Variants in GRIN2C observed in about 807,000 individuals in gnomAD.
GRIN2C encodes glutamate ionotropic receptor NMDA type subunit 2C.
A neutral mutation model predicts 77.7 loss-of-function variants in GRIN2C; 64 were observed. That is an observed-to-expected ratio of 0.82 (90% CI 0.67 to 1.01). The LOEUF is 1.01. GRIN2C is among the 50% of genes least tolerant of loss of function. GRIN2C has a pLI of 0.00. For missense variants in GRIN2C, 1,549 were observed against 1,486.0 expected, an observed-to-expected ratio of 1.04 and a Z score of -0.70; for synonymous variants, 792 against 643.4, an observed-to-expected ratio of 1.23 and a Z score of -3.49.
chr17:74,842,218 A>G lies in GRIN2C; in HGVS notation c.*217T>C, dbSNP rs1598465775. On this transcript the variant is annotated 3_prime_UTR_variant, in exon 13 of 13. Coordinates refer to ENST00000293190, the MANE Select transcript of GRIN2C (RefSeq NM_000835.6). ...GACCCCCACAGCACACCCTCCTGGC[A>G]GAACTCTGCGTGAGAAGAGGACAGC... 9.5e-6 allele frequency: 5 copies of G among 528,482 alleles called. No individual in the cohort carries two copies. In the East Asian group the frequency reaches 1.7e-4, roughly 18 times the overall value. 32.7% of individuals were successfully genotyped at this position (528,482 alleles called of 1,614,324 possible).
In GRIN2C at chr17:74,846,205, T is replaced by C; in HGVS notation, c.2211A>G (p.Ala737=). The C allele has an allele frequency of 6.2e-7, 1 of 1,614,166 alleles. No individual in the cohort carries two copies. The highest frequency in any genetic ancestry group is 1.1e-5 in the South Asian group (1 of 91,076). ...CCAGCTTGCAGCCCTCGTCCTTGCC[T>C]GCCATGTAGTTGAGGACAGCAGCAT... ...IYDAAVLNYM[A]GKDEGCKLVT... Residue 737 remains alanine (A), a synonymous_variant, in exon 11 of 13, where the codon GCA becomes GCG. Transcript: ENST00000293190. The surrounding 1 kb of genome is among the most constrained non-coding windows in gnomAD (Gnocchi z 4.4).
intron 1 of GRIN2C, among the ~76,000 whole-genome samples, chr17:74,856,237 A>G (rs2037814930): frequency 6.6e-6 from 1 of 152,162 alleles, no homozygotes; most frequent in Admixed American, 6.6e-5. Context: ...CATCCCCAGC[A>G]AAACTTCTGA....
rs114268983 is a variant in GRIN2C, at chr17:74,843,406, T to G, written c.2731A>C (p.Ser911Arg). The change falls in exon 13 of 13, where the codon AGC becomes CGC. Residue 911 changes from serine (S) to arginine (R), a missense_variant. By Grantham distance (110) the Ser-to-Arg change is moderately radical. This residue lies in a region of GRIN2C where 450 missense variants were observed against 267.9 expected (regional missense o/e 1.68). Coordinates refer to ENST00000293190, the MANE Select transcript of GRIN2C (RefSeq NM_000835.6). ...RDMVTTAGVS[S>R]SLDRATRTIE... ...GTGCGAGTGGCGCGGTCCAGGGAGC[T>G]GCTTACGCCCGCCGTGGTCACCATG... The G allele has an allele frequency of 2.3e-3, 3,557 of 1,535,686 alleles. 80 individuals carry two copies. The African/African-American group carries it at 0.043, about 19-fold the overall frequency.
chr17:74,843,872 G>A (rs34198089), intron 12 of GRIN2C, among the ~76,000 whole-genome samples: 8,335 of 144,172 alleles, frequency 0.058, 259 homozygotes, highest in Middle Eastern at 0.14. Context: ...TCAGGACGTT[G>A]GCTTTTTTTT....
rs970265760 is a variant in GRIN2C, at chr17:74,852,218, G to A, written c.793C>T (p.Pro265Ser). 15 of 1,442,154 alleles carry A rather than the reference G, an allele frequency of 1.0e-5. No individual in the cohort carries two copies. The highest frequency in any genetic ancestry group is 5.9e-5 in the African/African-American group (4 of 67,266). 89.3% of individuals were successfully genotyped at this position (1,442,154 alleles called of 1,614,324 possible). A position where few individuals can be genotyped will look rare whatever the true frequency, so the allele number is the denominator to read the frequency against. Residue 265 changes from proline to serine, a missense_variant, in exon 3 of 13, where the codon CCC becomes TCC. This residue lies in a region of GRIN2C where 717 missense variants were observed against 858.1 expected (regional missense o/e 0.84). Coordinates refer to ENST00000293190, the MANE Select transcript of GRIN2C (RefSeq NM_000835.6). ...PNLALGSTDA[P>S]PATFPVGLIS... ...AGGCCCACGGGGAAGGTGGCGGGGG[G>A]CGCATCGGTGCTGCCCAGCGCCAGG...
At chr17:74,860,246 A>G (rs2037921651), upstream of GRIN2C, among the ~76,000 whole-genome samples, 1 of 152,226 alleles carries the variant, frequency 6.6e-6, no homozygotes, top group East Asian at 1.9e-4. Flanking sequence ...TCTGAAATAC[A>G]GCCAGCGGAA....
At chr17:74,844,550 CT>C (rs1381739943) in intron 11 of GRIN2C, 42 bp from the exon 12 acceptor site, 1 of 1,594,538 alleles carries the variant, frequency 6.3e-7, no homozygotes, top group African/African-American at 1.3e-5. Context: ...GGAAACCCCC[CT>C]ATAAGCAACC....
chr17:74,854,071 C>T (rs1271230540), intron 2 of GRIN2C: 2 of 152,774 alleles, frequency 1.3e-5, no homozygotes, highest in Non-Finnish European at 2.9e-5. Context: ...GGGCCTCTCC[C>T]CCTCCCCACC....
chr17:74,856,595 C>T (rs1450850799), intron 1 of GRIN2C, among the ~76,000 whole-genome samples: 1 of 151,710 alleles, frequency 6.6e-6, no homozygotes, highest in Non-Finnish European at 1.5e-5. Context: ...CCTCCTGCCT[C>T]GGCCTCCCAA....
chr17:74,852,393 TC>T lies in GRIN2C; in HGVS notation c.617del (p.Gly206GlufsTer131). The T allele has an allele frequency of 6.9e-7, 1 of 1,451,990 alleles. No homozygotes were observed. The highest frequency in any genetic ancestry group is 1.4e-5 in the South Asian group (1 of 73,196). 89.9% of individuals were successfully genotyped at this position (1,451,990 alleles called of 1,614,324 possible). On this transcript the variant is annotated frameshift_variant, in exon 3 of 13. Coordinates refer to ENST00000293190, the MANE Select transcript of GRIN2C (RefSeq NM_000835.6). LOFTEE classifies it high-confidence loss of function. ...LDVVTLELGP[G>X]GPRARTQRLL... ...GGCGCTGCGTGCGCGCGCGCGGCCC[TC>T]CCGGGCCCAGCTCCAGCGTGACCAC...
rs1297422586 is a variant in GRIN2C, at chr17:74,850,784, C to A, written c.1114-17G>T. ...GCGCCCCACCTGTGGAGGGTGACAG[C>A]CTCAGCCTGGGGCCTCCAGCCCTAC... On this transcript the variant is annotated splice_polypyrimidine_tract_variant and intron_variant, in intron 4 of 12. Coordinates refer to ENST00000293190, the MANE Select transcript of GRIN2C (RefSeq NM_000835.6). This position sits in a 1 kb window ranked among gnomAD's most constrained non-coding sequence, Gnocchi z 5.3. The A allele has an allele frequency of 1.3e-6, 2 of 1,599,794 alleles. No individual in the cohort carries two copies. The highest frequency in any genetic ancestry group is 3.4e-5 in the Admixed American group (2 of 58,486).
rs747551680 is a variant in GRIN2C at position 74,852,005 on chromosome 17, G to A, written c.998+8C>T. The A allele has an allele frequency of 4.8e-5, 71 of 1,466,970 alleles. No individual in the cohort carries two copies. The highest frequency in any genetic ancestry group is 5.8e-5 in the Non-Finnish European group (64 of 1,107,740). The allele number at this position is 1,466,970 out of a possible 1,614,324, so 90.9% of individuals were successfully genotyped here. ...CTCCCTACCCCTATGCCCCGGGCAG[G>A]TGCCCACCTGTAGAAGGCCTCCCGG... On this transcript the variant is annotated splice_region_variant and intron_variant, in intron 3 of 12. Coordinates refer to ENST00000293190, the MANE Select transcript of GRIN2C (RefSeq NM_000835.6).
Position 74,843,329 on chromosome 17 carries a change from C to T in GRIN2C, c.2808G>A (p.Pro936=), listed in dbSNP as rs1241961898. Residue 936 remains proline (P), a synonymous_variant, in exon 13 of 13, where the codon CCG becomes CCA. Coordinates refer to ENST00000293190, the MANE Select transcript of GRIN2C (RefSeq NM_000835.6). ...GRRAPPPSPC[P]TPRSGPSPCL... ...ATGGGCTGGGGCCAGACCGCGGGGT[C>T]GGGCAGGGGGACGGTGGGGGCGCAC... 2.0e-6 allele frequency: 3 copies of T among 1,479,890 alleles called. No homozygotes were observed. The highest frequency in any genetic ancestry group is 2.0e-5 in the Admixed American group (1 of 49,814). 91.7% of individuals were successfully genotyped at this position (1,479,890 alleles called of 1,614,324 possible).
Position 74,854,717 on chromosome 17 carries a change from A to T in GRIN2C, c.376T>A (p.Ser126Thr). Residue 126 changes from serine (S) to threonine (T), a missense_variant, in exon 2 of 13, where the codon TCT (serine) becomes ACT (threonine). Physicochemically the swap from Ser to Thr is moderately conservative, Grantham distance 58 (BLOSUM62 1). Around this residue, in one of 3 missense-constraint regions of GRIN2C, gnomAD observed 382 missense variants for 360.0 expected, o/e 1.06. Transcript: ENST00000293190. ...ACCTTGGGGGTGAGGACCACAGCAG[A>T]GCCTCCGCTGATGCTGAGGATGGGC... ...HVPILSISGG[S>T]AVVLTPKEPG... 1.2e-6 allele frequency: 2 copies of T among 1,609,452 alleles called. No individual in the cohort carries two copies. The highest frequency in any genetic ancestry group is 1.7e-6 in the Non-Finnish European group (2 of 1,176,272).
chr17:74,847,449 C>T lies in GRIN2C; in HGVS notation c.1860G>A (p.Pro620=), dbSNP rs139980396. The change falls in exon 9 of 13, where the codon CCG becomes CCA. Residue 620 remains proline, a synonymous_variant. Transcript: ENST00000293190. The surrounding 1 kb of genome is among the most constrained non-coding windows in gnomAD (Gnocchi z 5.2). ...VFNNSVPIEN[P]RGTTSKIMVL... ...CCATGATCTTGCTGGTGGTGCCCCG[C>T]GGGTTCTCGATGGGCACTGAGTTGT... is the stretch of plus-strand genomic sequence containing the variant. 5.6e-6 allele frequency: 9 copies of T among 1,613,970 alleles called. No individual in the cohort carries two copies. The highest frequency in any genetic ancestry group is 5.5e-5 in the South Asian group (5 of 91,086).
rs2144593338 is a variant in GRIN2C at position 74,851,592 on chromosome 17, G to T, written c.1098C>A (p.His366Gln). The T allele has an allele frequency of 6.4e-7, 1 of 1,558,192 alleles. No homozygotes were observed. The highest frequency in any genetic ancestry group is 8.7e-7 in the Non-Finnish European group (1 of 1,149,318). ...PTMVVIALNR[H>Q]RLWEMVGRWE... ...CCCTTCTCACCATCTCCCAGAGGCG[G>T]TGCCGGTTGAGGGCGATCACCACCA... Residue 366 changes from histidine to glutamine, a missense_variant, in exon 4 of 13, where the codon CAC becomes CAA. His to Gln is a conservative substitution (Grantham distance 24, BLOSUM62 0). Transcript: ENST00000293190.
rs377759167 is a variant in GRIN2C, at chr17:74,850,772, G to T, written c.1114-5C>A. The T allele has an allele frequency of 1.3e-3, 2,028 of 1,608,344 alleles. 28 individuals are homozygous for T. The South Asian group carries it at 0.017, about 13-fold the overall frequency. On this transcript the variant is annotated splice_region_variant and splice_polypyrimidine_tract_variant and intron_variant, in intron 4 of 12. Coordinates refer to ENST00000293190, the MANE Select transcript of GRIN2C (RefSeq NM_000835.6). This position sits in a 1 kb window ranked among gnomAD's most constrained non-coding sequence, Gnocchi z 5.3. ...GCCATGCTCCCAGCGCCCCACCTGT[G>T]GAGGGTGACAGCCTCAGCCTGGGGC... is the stretch of plus-strand genomic sequence containing the variant.
chr17:74,843,316 C>T lies in GRIN2C; in HGVS notation c.2821G>A (p.Gly941Ser), dbSNP rs2037356406. 1 of 1,438,808 alleles carries T rather than the reference C, an allele frequency of 7.0e-7. No homozygotes were observed. Among genetic ancestry groups the T allele is most frequent in the African/African-American group, 1.4e-5 (1 of 69,586 alleles). The allele number at this position is 1,438,808 out of a possible 1,614,324, so 89.1% of individuals were successfully genotyped here. The change falls in exon 13 of 13, where the codon GGC becomes AGC. Residue 941 changes from glycine (G) to serine (S), a missense_variant. Transcript: ENST00000293190. ...PPSPCPTPRS[G>S]PSPCLPTPDP... ...GGGGTGGGCAGGCATGGGCTGGGGC[C>T]AGACCGCGGGGTCGGGCAGGGGGAC...
Position 74,851,204 on chromosome 17 carries a change from G to A in GRIN2C, c.1113+373C>T, listed in dbSNP as rs185103442. 29 of 305,158 alleles carry A rather than the reference G, an allele frequency of 9.5e-5. No homozygotes were observed. In the East Asian group the frequency reaches 1.7e-3, roughly 18 times the overall value. 18.9% of individuals were successfully genotyped at this position (305,158 alleles called of 1,614,324 possible). Reference sequence around the variant, plus strand: ...TCCTTTGAAGGCAGAACTAATTCCTGTTCCTCATCTCCAATCCCACAATCT... The same window carrying A: ...TCCTTTGAAGGCAGAACTAATTCCTATTCCTCATCTCCAATCCCACAATCT... On this transcript the variant is annotated intron_variant, in intron 4 of 12. Coordinates refer to ENST00000293190, the MANE Select transcript of GRIN2C (RefSeq NM_000835.6).
Sources: allele counts gnomAD v4.1 joint callset (sites outside exome capture counted in the v4.1 genomes callset), GRCh38; gene constraint gnomAD v4.1.1; regional missense constraint gnomAD v4.1.1; non-coding constraint Gnocchi (gnomAD v3.1); transcripts MANE v1.5; gene names NCBI Gene and HGNC (gene_info 2026-07-23, HGNC 2026-07-21).